Variants in ATP2B4 observed in about 807,000 individuals in gnomAD.
ATP2B4 encodes the protein ATPase plasma membrane Ca2+ transporting 4, also known as plasma membrane calcium-transporting ATPase 4.
In ATP2B4, 39 loss-of-function variants were observed where a neutral mutation model predicts 110.3. That is an observed-to-expected ratio of 0.35 (90% CI 0.27 to 0.46). ATP2B4 has a LOEUF of 0.46. ATP2B4 is among the 20% of genes least tolerant of loss of function. ATP2B4 has a pLI of 1.00. For missense variants in ATP2B4, 1,135 were observed against 1,530.9 expected (o/e 0.74, Z 4.32); for synonymous variants, 538 against 571.7 (o/e 0.94, Z 0.84).
intron 18 of ATP2B4, among the ~76,000 whole-genome samples, chr1:203,723,392 G>GT (rs10593701): frequency 4.0e-5 from 5 of 123,770 alleles, no homozygotes; most frequent in African/African-American, 1.6e-4. Context: ...TTTTCTTTTT[G>GT]TTTTTTTTTT....
intron 15 of ATP2B4, among the ~76,000 whole-genome samples, chr1:203,717,861 C>T (rs1666204199): frequency 6.6e-6 from 1 of 151,990 alleles, no homozygotes; most frequent in South Asian, 2.1e-4. Flanking sequence ...CCAGGCTGGT[C>T]TCAAACTCCT....
chr1:203,698,050 A>C, intron 2 of ATP2B4, 107 bp from the exon 3 acceptor site: 1 of 913,460 alleles, frequency 1.1e-6, no homozygotes, highest in Non-Finnish European at 1.7e-6. Context: ...TCTGTTGCCC[A>C]GGCTAGAGTG....
At chr1:203,676,563 GA>G (rs1032098598) in intron 1 of ATP2B4, among the ~76,000 whole-genome samples, 2 of 152,212 alleles carry the variant, frequency 1.3e-5, no homozygotes, top group Non-Finnish European at 2.9e-5. Flanking sequence ...AAGAGTGCCA[GA>G]GAGAAGGAGT....
intron 1 of ATP2B4, among the ~76,000 whole-genome samples, chr1:203,677,314 AC>A (rs1231275101): frequency 2.6e-5 from 4 of 152,200 alleles, no homozygotes; most frequent in African/African-American, 9.7e-5. Context: ...TAGGTGCTCA[AC>A]AAATATTTTT....
intron 1 of ATP2B4, among the ~76,000 whole-genome samples, chr1:203,675,910 C>T (rs556381882): frequency 2.0e-5 from 3 of 151,962 alleles, no homozygotes; most frequent in Non-Finnish European, 4.4e-5. Flanking sequence ...CCTGGAAGGA[C>T]TATAGGGGGG....
At chr1:203,644,433 G>A (rs1663730127) in intron 1 of ATP2B4, among the ~76,000 whole-genome samples, 1 of 152,118 alleles carries the variant, frequency 6.6e-6, no homozygotes, top group Non-Finnish European at 1.5e-5. Context: ...ATGACAGGCA[G>A]GGTGGTCTAG....
chr1:203,635,845 T>C (rs530232497), intron 1 of ATP2B4, among the ~76,000 whole-genome samples: 16 of 152,348 alleles, frequency 1.1e-4, no homozygotes, highest in African/African-American at 3.8e-4. Flanking sequence ...TTCTAAGCTC[T>C]TGGGTGCTGA....
rs570938657 is a variant in ATP2B4, at chr1:203,741,018, G to C, written c.*1164G>C. 1 of 152,324 alleles carries C rather than the reference G, an allele frequency of 6.6e-6. No homozygotes were observed. The highest frequency in any genetic ancestry group is 2.1e-4 in the South Asian group (1 of 4,826). 9.4% of individuals were successfully genotyped at this position (152,324 alleles called of 1,614,324 possible). Reference sequence around the variant, plus strand: ...AAAGAGCCATTCTAGCATGATCTGAGAAAACCTTCCTGCAGAGGCCAGAAA... The same window carrying C: ...AAAGAGCCATTCTAGCATGATCTGACAAAACCTTCCTGCAGAGGCCAGAAA... On this transcript the variant is annotated 3_prime_UTR_variant, in exon 21 of 21. Transcript: ENST00000357681.
At chr1:203,656,423 GA>G (rs1456341658) in intron 1 of ATP2B4, among the ~76,000 whole-genome samples, 2 of 152,012 alleles carry the variant, frequency 1.3e-5, no homozygotes, top group South Asian at 2.1e-4. Flanking sequence ...GTAAATGGAA[GA>G]AAAAAATGTT....
At chr1:203,716,416 C>T (rs981764822) in intron 15 of ATP2B4, among the ~76,000 whole-genome samples, 3 of 145,378 alleles carry the variant, frequency 2.1e-5, no homozygotes, top group Non-Finnish European at 4.6e-5. Context: ...GTCACATAGG[C>T]ACCTTCTGCC....
rs553623146 is a variant in ATP2B4 at position 203,635,379 on chromosome 1, C to T, written c.-465+8160C>T. On this transcript the variant is annotated intron_variant, in intron 1 of 20. Coordinates refer to ENST00000357681, the MANE Select transcript of ATP2B4 (RefSeq NM_001684.5). Reference sequence around the variant, plus strand: ...AAACTCCCAGGTTCAAGCAATCCTCCGACCTCAGCCTCCCAAGTAACTGGA... The same window carrying T: ...AAACTCCCAGGTTCAAGCAATCCTCTGACCTCAGCCTCCCAAGTAACTGGA... 2.6e-5 allele frequency among the ~76,000 whole-genome samples: 4 copies of T among 152,268 alleles called. No homozygotes were observed. The South Asian group carries it at 6.2e-4, about 24-fold the overall frequency.
chr1:203,656,122 C>T (rs922534758), intron 1 of ATP2B4, among the ~76,000 whole-genome samples: 3 of 151,686 alleles, frequency 2.0e-5, no homozygotes, highest in African/African-American at 7.3e-5. Flanking sequence ...ATCCTTAAAG[C>T]CACAACATAT....
intron 1 of ATP2B4, among the ~76,000 whole-genome samples, chr1:203,660,097 A>AAGAAAGAAAGAAAG (rs1553245082): frequency 8.3e-6 from 1 of 120,666 alleles, no homozygotes; most frequent in African/African-American, 3.1e-5. Context: ...AAAAAAAAAA[A>AAGAAAGAAAGAAAG]AAAGAAAGAA....
chr1:203,738,943 G>T (rs562760759), intron 20 of ATP2B4, among the ~76,000 whole-genome samples: 18 of 152,344 alleles, frequency 1.2e-4, no homozygotes, highest in Admixed American at 5.2e-4. Context: ...TTAAGTTCCT[G>T]CATGCTGCTG....
chr1:203,706,733 C>T (rs554408215), intron 8 of ATP2B4, among the ~76,000 whole-genome samples: 3 of 152,280 alleles, frequency 2.0e-5, no homozygotes, highest in African/African-American at 7.2e-5. Context: ...ATCTAGGAAA[C>T]AGGCCCAGAG....
intron 20 of ATP2B4, chr1:203,733,288 G>A (rs763848132): frequency 3.1e-5 from 50 of 1,613,954 alleles, no homozygotes; most frequent in Non-Finnish European, 4.1e-5. Flanking sequence ...GACAGAACAT[G>A]GGTCAACACC....
chr1:203,721,257 T>G lies in ATP2B4; in HGVS notation c.2659T>G (p.Ser887Ala), dbSNP rs1666312142. The part of the protein sequence containing the change: ...WVNLIMDTFA[S>A]LALATEPPTE... ...TAATCTGATCATGGACACTTTTGCT[T>G]CATTGGCCCTGGCCACAGAGCCCCC... The change falls in exon 17 of 21, where the codon TCA (serine) becomes GCA (alanine). Residue 887 changes from serine (S) to alanine (A), a missense_variant. By Grantham distance (99) the Ser-to-Ala change is moderately conservative (BLOSUM62 1). Coordinates refer to ENST00000357681, the MANE Select transcript of ATP2B4 (RefSeq NM_001684.5). The G allele has an allele frequency of 6.2e-7, 1 of 1,614,212 alleles. No individual in the cohort carries two copies. The highest frequency in any genetic ancestry group is 8.5e-7 in the Non-Finnish European group (1 of 1,180,040).
At chr1:203,725,360 G>A (rs992351674) in intron 19 of ATP2B4, among the ~76,000 whole-genome samples, 1 of 152,102 alleles carries the variant, frequency 6.6e-6, no homozygotes, top group Admixed American at 6.5e-5. Flanking sequence ...TGTTGGCTAG[G>A]CTGGTCTCAA....
intron 20 of ATP2B4, among the ~76,000 whole-genome samples, chr1:203,731,895 G>GAAGA: frequency 7.1e-6 from 1 of 141,154 alleles, no homozygotes; most frequent in South Asian, 2.3e-4. Context: ...AGGAAGGAAG[G>GAAGA]AAGCTGGGCA....
Sources: gnomAD v4.1 joint callset for allele counts (sites outside exome capture counted in the v4.1 genomes callset) on GRCh38, gnomAD v4.1.1 for gene constraint, MANE v1.5 for transcripts, NCBI Gene and HGNC (gene_info 2026-07-23, HGNC 2026-07-21) for gene names.